KAT6B: variants seen among roughly 807,000 people sequenced by gnomAD.
KAT6B encodes the protein histone acetyltransferase KAT6B.
A neutral mutation model predicts 187.5 loss-of-function variants in KAT6B; 10 were observed. The ratio of observed to expected loss-of-function variants is 0.05; its 90% CI spans 0.03 to 0.09. The LOEUF (loss-of-function observed/expected upper bound fraction) is 0.09. Among genes scored for constraint, KAT6B ranks in the 10% least tolerant of loss-of-function variants. The probability of loss-of-function intolerance (pLI) is 1.00; values close to 1 mark genes in which losing one functional copy is unlikely to be tolerated. For synonymous variants in KAT6B, 861 were observed against 926.8 expected (o/e 0.93, Z 1.29); for missense variants, 1,952 against 2,558.9 (o/e 0.76, Z 5.12).
chr10:74,912,633 T>C (rs1230470008), intron 3 of KAT6B, among the ~76,000 whole-genome samples: 1 of 152,240 alleles, frequency 6.6e-6, no homozygotes, highest in Admixed American at 6.5e-5. Flanking sequence ...ACATCAGTTA[T>C]AACAGCTGTG....
intron 3 of KAT6B, among the ~76,000 whole-genome samples, chr10:74,884,338 ATGCATTGCCCTC>A (rs1423212546): frequency 6.6e-6 from 1 of 152,246 alleles, no homozygotes; most frequent in Non-Finnish European, 1.5e-5. Context: ...AACTCTAAGA[ATGCATTGCCCTC>A]TGCATAGGCT....
intron 3 of KAT6B, among the ~76,000 whole-genome samples, chr10:74,914,163 G>A (rs1046885552): frequency 2.6e-5 from 4 of 151,446 alleles, no homozygotes; most frequent in Non-Finnish European, 4.4e-5. Flanking sequence ...TCCAGCCTGG[G>A]TGACAGAGCG....
At chr10:74,955,296 C>T (rs977346700) in intron 3 of KAT6B, among the ~76,000 whole-genome samples, 6 of 151,118 alleles carry the variant, frequency 4.0e-5, no homozygotes, top group Middle Eastern at 3.2e-3. Flanking sequence ...GTTGAATCCA[C>T]GGATATTAAT....
intron 3 of KAT6B, among the ~76,000 whole-genome samples, chr10:74,940,988 C>A (rs1253479724): frequency 6.6e-6 from 1 of 152,178 alleles, no homozygotes; most frequent in Non-Finnish European, 1.5e-5. Flanking sequence ...AAGTTAATCC[C>A]AGACCTATTG....
chr10:74,968,043 A>G (rs1454476462), intron 4 of KAT6B, among the ~76,000 whole-genome samples: 4 of 152,172 alleles, frequency 2.6e-5, no homozygotes, highest in Non-Finnish European at 5.9e-5. Flanking sequence ...GGTGGAATTT[A>G]AATTGCTGTT....
intron 13 of KAT6B, among the ~76,000 whole-genome samples, chr10:75,008,205 G>A (rs1446511289): frequency 1.3e-5 from 2 of 152,202 alleles, no homozygotes; most frequent in Non-Finnish European, 2.9e-5. Flanking sequence ...AGCCCGAGGA[G>A]AGAAAGAAGA....
In KAT6B at chr10:74,937,873, C is replaced by T. The variant is rs1395076015; in HGVS notation, c.622-22097C>T. On this transcript the variant is annotated intron_variant, in intron 3 of 17. Coordinates refer to ENST00000287239, the MANE Select transcript of KAT6B (RefSeq NM_012330.4). ...TACTGCAATTGCTGTCACCAGCAAC[C>T]ACTACAATTACTATTATTCCAGTTC... 4.6e-5 allele frequency among the ~76,000 whole-genome samples: 7 copies of T among 152,314 alleles called. No individual in the cohort carries two copies. The East Asian group carries it at 9.6e-4, about 21-fold the overall frequency.
intron 13 of KAT6B, among the ~76,000 whole-genome samples, chr10:75,015,354 C>T (rs1000013505): frequency 2.6e-5 from 4 of 152,150 alleles, no homozygotes; most frequent in Non-Finnish European, 4.4e-5. Context: ...TCAGGCAGGT[C>T]ACAGGTCATT....
intron 1 of KAT6B, among the ~76,000 whole-genome samples, 195 bp from the exon 2 acceptor site, chr10:74,838,488 G>A (rs530666442): frequency 6.6e-6 from 1 of 152,146 alleles, no homozygotes; most frequent in East Asian, 1.9e-4. Flanking sequence ...TGGGTCCTTG[G>A]GGCTTCATTT....
chr10:74,987,225 A>G (rs1842866603), intron 12 of KAT6B, among the ~76,000 whole-genome samples: 1 of 152,098 alleles, frequency 6.6e-6, no homozygotes, highest in African/African-American at 2.4e-5. Context: ...CATGAGGTCA[A>G]GAGATCGAGA....
At chr10:74,967,667 G>T (rs1841573029) in intron 4 of KAT6B, among the ~76,000 whole-genome samples, 1 of 152,162 alleles carries the variant, frequency 6.6e-6, no homozygotes. Context: ...ATTTGATAGG[G>T]TAGCTTAAAT....
chr10:74,868,187 C>T (rs1418318355), intron 3 of KAT6B, among the ~76,000 whole-genome samples: 2 of 152,134 alleles, frequency 1.3e-5, no homozygotes, highest in Non-Finnish European at 2.9e-5. Flanking sequence ...TTGACAAATA[C>T]TAGCTGCATA....
chr10:74,865,037 A>T (rs948725338), intron 3 of KAT6B, among the ~76,000 whole-genome samples: 3 of 152,248 alleles, frequency 2.0e-5, no homozygotes, highest in Non-Finnish European at 4.4e-5. Context: ...TAGCAGAAAG[A>T]AAGTGTCACA....
intron 3 of KAT6B, among the ~76,000 whole-genome samples, chr10:74,936,657 A>G (rs1472682898): frequency 6.6e-6 from 1 of 152,186 alleles, no homozygotes; most frequent in Non-Finnish European, 1.5e-5. Flanking sequence ...TGGTGATTTA[A>G]TATATCAATG....
At chr10:74,958,680 A>G (rs1474704235) in intron 3 of KAT6B, among the ~76,000 whole-genome samples, 1 of 152,178 alleles carries the variant, frequency 6.6e-6, no homozygotes, top group Non-Finnish European at 1.5e-5. Flanking sequence ...TGTTAAAAGC[A>G]ATTTTCATAC....
At chr10:74,939,916 T>G (rs1373156525) in intron 3 of KAT6B, among the ~76,000 whole-genome samples, 1 of 152,238 alleles carries the variant, frequency 6.6e-6, no homozygotes, top group African/African-American at 2.4e-5. Flanking sequence ...TGTGTACATT[T>G]TTATGTAGAA....
intron 3 of KAT6B, among the ~76,000 whole-genome samples, chr10:74,958,768 G>A (rs1352098802): frequency 2.0e-5 from 3 of 152,092 alleles, no homozygotes; most frequent in African/African-American, 7.2e-5. Context: ...GGCCGGGCTC[G>A]GTGGCTCACG....
chr10:74,883,413 G>A (rs1415590944), intron 3 of KAT6B, among the ~76,000 whole-genome samples: 1 of 152,162 alleles, frequency 6.6e-6, no homozygotes, highest in Non-Finnish European at 1.5e-5. Context: ...AAGGGGAAAG[G>A]GTGAAATGAC....
At chr10:74,900,011 A>G (rs1415539444) in intron 3 of KAT6B, among the ~76,000 whole-genome samples, 1 of 152,200 alleles carries the variant, frequency 6.6e-6, no homozygotes, top group East Asian at 1.9e-4. Context: ...AGAACTTCAG[A>G]AAAAAGAGAG....
Sources: allele counts gnomAD v4.1 joint callset (sites outside exome capture counted in the v4.1 genomes callset), GRCh38; gene constraint gnomAD v4.1.1; transcripts MANE v1.5; gene names NCBI Gene and HGNC (gene_info 2026-07-23, HGNC 2026-07-21).